TCTN2: variants seen among roughly 807,000 people sequenced by gnomAD.
TCTN2 encodes tectonic-2.
In TCTN2, 66 loss-of-function variants were observed where a neutral mutation model predicts 83.4. That is an observed-to-expected ratio of 0.79 (90% CI 0.65 to 0.97). The LOEUF (loss-of-function observed/expected upper bound fraction) is 0.97, where lower values mean the gene tolerates loss of function less well. Ranked by LOEUF, TCTN2 falls within the 50% of genes least tolerant of loss-of-function variation. The probability of loss-of-function intolerance (pLI) is 0.00; values close to 1 mark genes in which losing one functional copy is unlikely to be tolerated. For synonymous variants in TCTN2, 301 were observed against 326.7 expected (o/e 0.92, Z 0.85); for missense variants, 794 against 858.1 (o/e 0.93, Z 0.93).
chr12:123,693,018 C>CTTTT (rs539689505), intron 9 of TCTN2, among the ~76,000 whole-genome samples: 62 of 53,776 alleles, frequency 1.2e-3, no homozygotes, highest in African/African-American at 2.6e-3. Context: ...TTAAATAATT[C>CTTTT]TTTTTTTTTT....
At chr12:123,706,478 A>C (rs1311278711) in intron 15 of TCTN2, among the ~76,000 whole-genome samples, 1 of 152,220 alleles carries the variant, frequency 6.6e-6, no homozygotes. Context: ...TGAGACTGAC[A>C]ACAAGACTGG....
chr12:123,696,266 C>T, intron 11 of TCTN2, 149 bp from the exon 12 acceptor site: 2 of 682,746 alleles, frequency 2.9e-6, no homozygotes, highest in Non-Finnish European at 5.4e-6. Flanking sequence ...TTTTTGAGAC[C>T]CGAAGTTGCC....
At chr12:123,699,280 A>G (rs7138503) in intron 13 of TCTN2, among the ~76,000 whole-genome samples, 62,584 of 151,472 alleles carry the variant, frequency 0.41, 13,750 homozygotes, top group African/African-American at 0.55. Flanking sequence ...TCAGCCTCCC[A>G]AGTAGTTGGA....
chr12:123,699,217 G>A (rs947133094), intron 13 of TCTN2, among the ~76,000 whole-genome samples: 1 of 150,262 alleles, frequency 6.7e-6, no homozygotes, highest in Non-Finnish European at 1.5e-5. Flanking sequence ...GCAGTGGTAC[G>A]ATCTCAGCTC....
chr12:123,676,985 A>G (rs1040302019), intron 4 of TCTN2, among the ~76,000 whole-genome samples: 1 of 152,124 alleles, frequency 6.6e-6, no homozygotes, highest in Non-Finnish European at 1.5e-5. Flanking sequence ...TGAGACCAGC[A>G]TGGACAACAT....
At chr12:123,682,423 G>A (rs1304539178) in intron 5 of TCTN2, among the ~76,000 whole-genome samples, 1 of 151,962 alleles carries the variant, frequency 6.6e-6, no homozygotes, top group East Asian at 1.9e-4. Context: ...TTGCTGAATT[G>A]TAAGAGGGTT....
chr12:123,682,389 C>T (rs1202274521), intron 5 of TCTN2, among the ~76,000 whole-genome samples: 9 of 152,134 alleles, frequency 5.9e-5, no homozygotes, highest in East Asian at 5.8e-4. Flanking sequence ...ACCCTTCACC[C>T]GTGTTTTAAA....
chr12:123,688,012 G>T lies in TCTN2; in HGVS notation c.765-39G>T, dbSNP rs201395894. On this transcript the variant is annotated intron_variant, in intron 6 of 17. Transcript: ENST00000303372. The stretch of plus-strand genomic sequence containing the variant: ...ATTAAGGAAGAATTGTGTTTTAGCA[G>T]ATAACTGAAACTATTCAGCCTTTCT... 2.8e-5 allele frequency: 45 copies of T among 1,611,630 alleles called. No homozygotes were observed. In the East Asian group the frequency reaches 9.2e-4, roughly 33 times the overall value.
At chr12:123,687,530 G>A (rs983334564) in intron 6 of TCTN2, among the ~76,000 whole-genome samples, 27 of 152,100 alleles carry the variant, frequency 1.8e-4, no homozygotes, top group African/African-American at 6.0e-4. Flanking sequence ...GGTGGCACGT[G>A]CCTGTAGTCC....
chr12:123,694,183 G>T (rs1956080310), intron 9 of TCTN2, among the ~76,000 whole-genome samples: 2 of 151,852 alleles, frequency 1.3e-5, no homozygotes, highest in African/African-American at 4.8e-5. Flanking sequence ...TTAGTAGAGA[G>T]GGGGTTTCAC....
At position 123,697,125 on chromosome 12, in the gene TCTN2, A is replaced by G. The variant is rs1272623385; in HGVS notation, c.1432A>G (p.Ile478Val). Residue 478 changes from isoleucine to valine, a missense_variant, in exon 13 of 18, where the codon ATT (isoleucine) becomes GTT (valine). Ile to Val is a conservative substitution (Grantham distance 29). Transcript: ENST00000303372. ...GLCTSATFKP[I>V]LFGENVLSGC... The stretch of plus-strand genomic sequence containing the variant: ...GTGTACATCAGCAACTTTCAAACCC[A>G]TTTTATTTGGAGAAAATGTACTCTC... 6.2e-7 allele frequency: 1 copy of G among 1,614,074 alleles called. No individual in the cohort carries two copies. Among genetic ancestry groups the G allele is most frequent in the Admixed American group, 1.7e-5 (1 of 60,000 alleles).
chr12:123,679,072 C>A, intron 4 of TCTN2, 117 bp from the exon 5 acceptor site: 2 of 868,530 alleles, frequency 2.3e-6, no homozygotes, highest in Non-Finnish European at 3.8e-6. Context: ...GCTGGGATTA[C>A]AGGCGTGAGC....
chr12:123,699,431 A>G (rs1439765365), intron 13 of TCTN2, among the ~76,000 whole-genome samples: 1 of 152,184 alleles, frequency 6.6e-6, no homozygotes, highest in Non-Finnish European at 1.5e-5. Context: ...TTGGGATTAC[A>G]GGTGTGAGCC....
Position 123,708,173 on chromosome 12 carries a change from G to T in TCTN2, c.*460G>T. 1.1e-5 allele frequency: 2 copies of T among 183,562 alleles called. No individual in the cohort carries two copies. The highest frequency in any genetic ancestry group is 2.3e-5 in the Non-Finnish European group (2 of 87,942). The allele number at this position is 183,562 out of a possible 1,614,324, so 11.4% of individuals were successfully genotyped here. A position where few individuals can be genotyped will look rare whatever the true frequency, so the allele number is the denominator to read the frequency against. ...CTCCACCATGCCTGGCTGTATTTTTGGTAAAGACGGGGTTTCGCCTTGTTG... is the reference window on the plus strand; with the variant it reads ...CTCCACCATGCCTGGCTGTATTTTTTGTAAAGACGGGGTTTCGCCTTGTTG... On this transcript the variant is annotated 3_prime_UTR_variant, in exon 18 of 18. Transcript: ENST00000303372.
At chr12:123,671,481 C>T in intron 1 of TCTN2, 26 bp from the exon 2 acceptor site, 2 of 1,611,494 alleles carry the variant, frequency 1.2e-6, no homozygotes, top group Middle Eastern at 1.7e-4. Flanking sequence ...GCTAACCCCT[C>T]CTTGTCCCCT....
chr12:123,687,176 T>C, intron 6 of TCTN2, 141 bp downstream of exon 6: 1 of 922,480 alleles, frequency 1.1e-6, no homozygotes, highest in Middle Eastern at 2.3e-4. Flanking sequence ...CAATTCTAGA[T>C]TTCAGTTAGC....
chr12:123,691,684 C>G (rs1174807328), intron 8 of TCTN2, among the ~76,000 whole-genome samples: 1 of 151,412 alleles, frequency 6.6e-6, no homozygotes, highest in African/African-American at 2.4e-5. Context: ...ACTGACAGGT[C>G]ATGCTAATAT....
In TCTN2 at chr12:123,671,631, T is replaced by C. The variant is rs369406967; in HGVS notation, c.190+17T>C. 2.9e-5 allele frequency: 46 copies of C among 1,604,682 alleles called. No individual in the cohort carries two copies. The African/African-American group carries it at 5.5e-4, about 19-fold the overall frequency. On this transcript the variant is annotated intron_variant, in intron 2 of 17. Transcript: ENST00000303372. ...ACGAGGCGGGTAAAGTCCGGCCCTC[T>C]TTTGGGGAGGGTGGGGGTTGGACTG... is the stretch of plus-strand genomic sequence containing the variant.
At chr12:123,704,441 C>T in intron 14 of TCTN2, 91 bp from the exon 15 acceptor site, 1 of 1,343,396 alleles carries the variant, frequency 7.4e-7, no homozygotes, top group Non-Finnish European at 1.0e-6. Flanking sequence ...TGATGCCTGC[C>T]TGATATTATT....
Sources: gnomAD v4.1 joint callset for allele counts (sites outside exome capture counted in the v4.1 genomes callset) on GRCh38, gnomAD v4.1.1 for gene constraint, MANE v1.5 for transcripts, NCBI Gene and HGNC (gene_info 2026-07-23, HGNC 2026-07-21) for gene names.